AKAP19: variants seen among roughly 807,000 people sequenced by gnomAD.
AKAP19 encodes small A-kinase anchoring protein.
chr2:190,046,054 C>T, the AKAP19 span, among the ~76,000 whole-genome samples: 3 of 152,358 alleles, frequency 2.0e-5, no homozygotes, highest in Non-Finnish European at 4.4e-5. Context: ...TTCCCTGGCT[C>T]TGTGTTGTTC....
At chr2:189,996,945 C>T in the AKAP19 span, among the ~76,000 whole-genome samples, 6 of 152,330 alleles carry the variant, frequency 3.9e-5, no homozygotes, top group East Asian at 9.6e-4. Flanking sequence ...AAGATGTGAT[C>T]TGTGTTCAGG....
At chr2:190,147,051 G>A in the AKAP19 span, among the ~76,000 whole-genome samples, 2 of 152,098 alleles carry the variant, frequency 1.3e-5, no homozygotes, top group Non-Finnish European at 2.9e-5. Flanking sequence ...TTGCTTTTGG[G>A]TTCTTGGTCA....
chr2:189,891,922 T>C, the AKAP19 span, among the ~76,000 whole-genome samples: 3 of 152,098 alleles, frequency 2.0e-5, no homozygotes, highest in East Asian at 5.8e-4. Flanking sequence ...TTGGAGGTTT[T>C]GTTCATTCCT....
chr2:189,930,279 T>C, the AKAP19 span: 608 of 531,984 alleles, frequency 1.1e-3, 7 homozygotes, highest in African/African-American at 0.012. Context: ...ATAGTCTAGG[T>C]TGAAAGCAGT....
the AKAP19 span, among the ~76,000 whole-genome samples, chr2:189,977,985 G>C: frequency 2.0e-4 from 30 of 152,126 alleles, no homozygotes; most frequent in African/African-American, 7.2e-4. Context: ...TTATAAAATA[G>C]GTTTTGTGTT....
the AKAP19 span, among the ~76,000 whole-genome samples, chr2:190,081,102 C>G: frequency 6.6e-6 from 1 of 152,120 alleles, no homozygotes; most frequent in Non-Finnish European, 1.5e-5. Context: ...AAAGGAATGG[C>G]CCTGCAAGGT....
chr2:190,158,600 G>A, the AKAP19 span, among the ~76,000 whole-genome samples: 1 of 152,018 alleles, frequency 6.6e-6, no homozygotes, highest in African/African-American at 2.4e-5. Flanking sequence ...ATTCCTGAGG[G>A]GATTCATAGT....
chr2:189,909,710 G>A, the AKAP19 span, among the ~76,000 whole-genome samples: 1 of 151,864 alleles, frequency 6.6e-6, no homozygotes, highest in Non-Finnish European at 1.5e-5. Flanking sequence ...ACAAGTTATT[G>A]TAATTATAGT....
At chr2:189,927,655 A>C in the AKAP19 span, among the ~76,000 whole-genome samples, 1 of 152,178 alleles carries the variant, frequency 6.6e-6, no homozygotes, top group Non-Finnish European at 1.5e-5. Flanking sequence ...CTTAACCTCT[A>C]AACAGTTCAG....
the AKAP19 span, among the ~76,000 whole-genome samples, chr2:190,073,940 A>G: frequency 1.3e-5 from 2 of 151,666 alleles, no homozygotes; most frequent in African/African-American, 4.8e-5. Flanking sequence ...AGTCCCAGCT[A>G]CTCAGGAGGC....
chr2:190,062,291 G>T, the AKAP19 span: 2 of 1,613,158 alleles, frequency 1.2e-6, no homozygotes, highest in African/African-American at 2.7e-5. Flanking sequence ...AAGAGCCATC[G>T]CTGCTGTCAT....
chr2:189,959,607 A>G, the AKAP19 span, among the ~76,000 whole-genome samples: 1 of 152,196 alleles, frequency 6.6e-6, no homozygotes, highest in Non-Finnish European at 1.5e-5. Flanking sequence ...TTTGCTGAGT[A>G]AAGCTCTTTC....
At chr2:189,937,738 T>C in the AKAP19 span, among the ~76,000 whole-genome samples, 1 of 152,164 alleles carries the variant, frequency 6.6e-6, no homozygotes, top group Non-Finnish European at 1.5e-5. Context: ...AAATGGCTTA[T>C]ATACAAAAGG....
At chr2:190,026,277 G>A in the AKAP19 span, among the ~76,000 whole-genome samples, 1 of 152,278 alleles carries the variant, frequency 6.6e-6, no homozygotes, top group East Asian at 1.9e-4. Context: ...GAGATAGTAT[G>A]TGGCCTACAA....
the AKAP19 span, chr2:190,180,423 C>A: frequency 2.8e-5 from 27 of 971,786 alleles, no homozygotes; most frequent in Non-Finnish European, 3.2e-5. The surrounding 1 kb of genome is among the most constrained non-coding windows in gnomAD (Gnocchi z 6.8). Context: ...CAGGAGAGTT[C>A]GCAGCCCAGG....
the AKAP19 span, among the ~76,000 whole-genome samples, chr2:190,155,490 C>A: frequency 1.3e-5 from 2 of 152,112 alleles, no homozygotes; most frequent in South Asian, 4.2e-4. Flanking sequence ...AATAGAATAA[C>A]TATTAGATTA....
chr2:190,036,395 A>T, the AKAP19 span, among the ~76,000 whole-genome samples: 1 of 151,290 alleles, frequency 6.6e-6, no homozygotes, highest in African/African-American at 2.5e-5. Flanking sequence ...AAGACTGCAG[A>T]TCCCAGATTT....
chr2:190,038,970 CT>C, the AKAP19 span, among the ~76,000 whole-genome samples: 326 of 98,046 alleles, frequency 3.3e-3, no homozygotes, highest in African/African-American at 8.3e-3. Flanking sequence ...TCTTCTTCTT[CT>C]TTCTTCTTCT....
chr2:189,982,663 A>AC, the AKAP19 span, among the ~76,000 whole-genome samples: 4 of 34,660 alleles, frequency 1.2e-4, no homozygotes, highest in Admixed American at 3.5e-4. Context: ...TGGAACCTTA[A>AC]CTTTTTTTTT....
Sources: gnomAD v4.1 joint callset for allele counts (sites outside exome capture counted in the v4.1 genomes callset) on GRCh38, gnomAD v4.1.1 for gene constraint, Gnocchi (gnomAD v3.1) non-coding constraint, MANE v1.5 for transcripts, NCBI Gene and HGNC (gene_info 2026-07-23, HGNC 2026-07-21) for gene names.